Variants in ELL observed in about 807,000 individuals in gnomAD.
ELL encodes RNA polymerase II elongation factor ELL.
ELL carries 18 observed loss-of-function variants against 64.0 expected under a neutral mutation model. The ratio of observed to expected loss-of-function variants is 0.28; its 90% CI spans 0.19 to 0.42. The LOEUF is 0.42. ELL is among the 10% of genes least tolerant of loss of function. The probability of loss-of-function intolerance (pLI) is 1.00; values close to 1 mark genes in which losing one functional copy is unlikely to be tolerated. For synonymous variants in ELL, 399 were observed against 376.2 expected, an observed-to-expected ratio of 1.06 and a Z score of -0.70; for missense variants, 797 against 870.4, an observed-to-expected ratio of 0.92 and a Z score of 1.06.
intron 8 of ELL, among the ~76,000 whole-genome samples, chr19:18,447,173 CT>C (rs1974434304): frequency 6.6e-6 from 1 of 152,242 alleles, no homozygotes; most frequent in African/African-American, 2.4e-5. Context: ...CCGGTCAGAG[CT>C]TCCCCCAGGC....
At chr19:18,454,282 G>A (rs942646270) in intron 6 of ELL, among the ~76,000 whole-genome samples, 4 of 151,272 alleles carry the variant, frequency 2.6e-5, no homozygotes, top group South Asian at 2.1e-4. Flanking sequence ...GGTGGATCAC[G>A]AGGTCAGGAG....
chr19:18,503,382 G>A (rs948270840), intron 1 of ELL, among the ~76,000 whole-genome samples: 2 of 152,252 alleles, frequency 1.3e-5, no homozygotes, highest in Non-Finnish European at 2.9e-5. Context: ...ACCCATAGGA[G>A]CGAGGGAGCC....
At chr19:18,469,042 G>A (rs1481585021) in intron 2 of ELL, among the ~76,000 whole-genome samples, 4 of 152,332 alleles carry the variant, frequency 2.6e-5, no homozygotes, top group South Asian at 4.1e-4. Flanking sequence ...CCTAGAAGCA[G>A]GGGCCAGGTG....
chr19:18,479,410 GAAC>G (rs1975247331), intron 1 of ELL, among the ~76,000 whole-genome samples: 1 of 152,162 alleles, frequency 6.6e-6, no homozygotes, highest in Non-Finnish European at 1.5e-5. Context: ...GGGTGAAGAA[GAAC>G]GTATCTGATT....
At chr19:18,508,055 G>A (rs1975923604) in intron 1 of ELL, among the ~76,000 whole-genome samples, 1 of 152,218 alleles carries the variant, frequency 6.6e-6, no homozygotes, top group Non-Finnish European at 1.5e-5. Flanking sequence ...GTTCCCACTG[G>A]AGGCTATGTC....
intron 11 of ELL, 129 bp from the exon 12 acceptor site, chr19:18,444,997 G>T: frequency 8.8e-7 from 1 of 1,141,542 alleles, no homozygotes. Context: ...TGTGGTCCAA[G>T]GGCAGAGTGG....
At chr19:18,469,086 G>A (rs1414193485) in intron 2 of ELL, among the ~76,000 whole-genome samples, 1 of 152,202 alleles carries the variant, frequency 6.6e-6, no homozygotes, top group African/African-American at 2.4e-5. Flanking sequence ...GCTGTGGCGG[G>A]GAGTAGGGGC....
rs189724448 is a variant in ELL at position 18,449,106 on chromosome 19, G to T, written c.1465+1371C>A. ...CCTGTGGTAGAGATGACAGCCCCTG[G>T]GCCGGGGATGAACTGCCTAGGGGCC... On this transcript the variant is annotated intron_variant, in intron 8 of 11. Coordinates refer to ENST00000262809, the MANE Select transcript of ELL (RefSeq NM_006532.4). This position sits in a 1 kb window ranked among gnomAD's most constrained non-coding sequence, Gnocchi z 4.4. Among the ~76,000 whole-genome samples the T allele has an allele frequency of 3.7e-4, 56 of 152,262 alleles. No homozygotes were observed. The highest frequency in any genetic ancestry group is 1.3e-3 in the African/African-American group (56 of 41,544).
chr19:18,510,374 A>G (rs1235245504), intron 1 of ELL, among the ~76,000 whole-genome samples: 1 of 152,216 alleles, frequency 6.6e-6, no homozygotes, highest in Non-Finnish European at 1.5e-5. Flanking sequence ...CTCGGTCTCA[A>G]AACAAAAAGA....
At position 18,446,311 on chromosome 19, in the gene ELL, C is replaced by G. The variant is rs1974413010; in HGVS notation, c.1702G>C (p.Glu568Gln). ...AGTAGGCAGCGGGGGGGCTCTACCTCATACTCCTCGGAGCCCTGGGAGAGC... is the reference window on the plus strand; with the variant it reads ...AGTAGGCAGCGGGGGGGCTCTACCTGATACTCCTCGGAGCCCTGGGAGAGC... ...RQLSQGSEEY[E>Q]TTRGQILQEY... Residue 568 changes from glutamate (E) to glutamine (Q), a missense_variant and splice_region_variant, in exon 10 of 12, where the codon GAG becomes CAG. By Grantham distance (29) the Glu-to-Gln change is conservative. Coordinates refer to ENST00000262809, the MANE Select transcript of ELL (RefSeq NM_006532.4). 6.3e-7 allele frequency: 1 copy of G among 1,579,186 alleles called. No homozygotes were observed. The highest frequency in any genetic ancestry group is 1.8e-5 in the Admixed American group (1 of 54,138).
chr19:18,451,541 G>T lies in ELL; in HGVS notation c.966+11C>A. The T allele has an allele frequency of 6.8e-7, 1 of 1,479,528 alleles. No homozygotes were observed. Among genetic ancestry groups the T allele is most frequent in the Non-Finnish European group, 8.9e-7 (1 of 1,123,186 alleles). 91.7% of individuals were successfully genotyped at this position (1,479,528 alleles called of 1,614,324 possible). ...TGCTTGGGACAGTCACCCCAGGCAT[G>T]CCTCACTTACCTGTGGGGGCGAGGC... On this transcript the variant is annotated intron_variant, in intron 7 of 11. Coordinates refer to ENST00000262809, the MANE Select transcript of ELL (RefSeq NM_006532.4).
intron 1 of ELL, among the ~76,000 whole-genome samples, chr19:18,480,769 G>T (rs563924477): frequency 2.0e-5 from 3 of 152,134 alleles, no homozygotes; most frequent in African/African-American, 7.2e-5. Flanking sequence ...GAGTAGCTGG[G>T]ACCACAGGCA....
At chr19:18,455,608 G>C (rs1974652971) in intron 6 of ELL, among the ~76,000 whole-genome samples, 1 of 151,984 alleles carries the variant, frequency 6.6e-6, no homozygotes, top group South Asian at 2.1e-4. Context: ...TGCTTTGGGT[G>C]GCTGAGGCAG....
intron 2 of ELL, among the ~76,000 whole-genome samples, chr19:18,467,632 CACACACACACA>C (rs1974968852): frequency 5.4e-4 from 2 of 3,674 alleles, no homozygotes; most frequent in African/African-American, 0.011. Context: ...ACCACACAAC[CACACACACACA>C]CACACACACA....
chr19:18,487,188 T>TC (rs1975436657), intron 1 of ELL, among the ~76,000 whole-genome samples: 1 of 152,082 alleles, frequency 6.6e-6, no homozygotes, highest in Non-Finnish European at 1.5e-5. Flanking sequence ...GGGCTGGCAT[T>TC]CCCCATAAAA....
intron 1 of ELL, among the ~76,000 whole-genome samples, chr19:18,488,456 G>T (rs1043073501): frequency 6.6e-6 from 1 of 152,194 alleles, no homozygotes; most frequent in Non-Finnish European, 1.5e-5. Context: ...GGCCAGGGCT[G>T]GCCCAGGGCA....
intron 6 of ELL, among the ~76,000 whole-genome samples, chr19:18,454,924 G>A (rs1974625645): frequency 6.6e-6 from 1 of 150,826 alleles, no homozygotes; most frequent in African/African-American, 2.4e-5. Flanking sequence ...TGAGGCCCTT[G>A]AGGTCAGGAG....
intron 1 of ELL, among the ~76,000 whole-genome samples, chr19:18,513,033 A>G (rs1976059715): frequency 6.6e-6 from 1 of 152,214 alleles, no homozygotes; most frequent in Admixed American, 6.5e-5. Context: ...AGTAGGGTAT[A>G]TACTTGCGGT....
Position 18,446,223 on chromosome 19 carries a change from C to T in ELL, c.1704+86G>A, listed in dbSNP as rs4808130. 3.2e-4 allele frequency: 243 copies of T among 748,506 alleles called. No individual in the cohort carries two copies. In the African/African-American group the frequency reaches 6.9e-3, roughly 21 times the overall value. The allele number at this position is 748,506 out of a possible 1,614,324, so 46.4% of individuals were successfully genotyped here. On this transcript the variant is annotated intron_variant, in intron 10 of 11. Transcript: ENST00000262809. ...GGGAAGGGCCAGACTCTGGGGCCAC[C>T]AAGCTCGTGGTGGCGATGGTGCGCG...
Sources: gnomAD v4.1 joint callset for allele counts (sites outside exome capture counted in the v4.1 genomes callset) on GRCh38, gnomAD v4.1.1 for gene constraint, Gnocchi (gnomAD v3.1) non-coding constraint, MANE v1.5 for transcripts, NCBI Gene and HGNC (gene_info 2026-07-23, HGNC 2026-07-21) for gene names.